Variants in LRP1B observed in about 807,000 individuals in gnomAD.
The protein encoded by LRP1B is low-density lipoprotein receptor-related protein 1B.
In LRP1B, 217 loss-of-function variants were observed where a neutral mutation model predicts 556.6. The observed-to-expected ratio is 0.39, with a 90% CI of 0.35 to 0.44. The LOEUF (loss-of-function observed/expected upper bound fraction) is 0.44, where lower values mean the gene tolerates loss of function less well. Among genes scored for constraint, LRP1B ranks in the 20% least tolerant of loss-of-function variants. LRP1B has a pLI of 1.00. For missense variants in LRP1B, 5,053 were observed against 5,620.8 expected (o/e 0.90, Z 3.23); for synonymous variants, 2,047 against 1,865.8 (o/e 1.10, Z -2.50).
At chr2:140,691,209 C>T (rs1023679640) in intron 41 of LRP1B, among the ~76,000 whole-genome samples, 2 of 152,000 alleles carry the variant, frequency 1.3e-5, no homozygotes, top group African/African-American at 4.8e-5. Context: ...CGGTGGCTCA[C>T]GCCTGTAATA....
rs1166488707 is a variant in LRP1B, at chr2:140,851,654, T to A, written c.4709A>T (p.Tyr1570Phe). ...MKLSSDKKTC[Y>F]EMKKFLLYAR... ...GATTAGAACTGTAAGAAATTTACCA[T>A]AGCAGGTCTTCTTGTCTGAAGAAAG... is the stretch of plus-strand genomic sequence containing the variant. Residue 1570 changes from tyrosine to phenylalanine, a missense_variant and splice_region_variant, in exon 28 of 91, where the codon TAT becomes TTT. Around this residue, in one of 5 missense-constraint regions of LRP1B, gnomAD observed 3,619 missense variants for 3,931.9 expected, o/e 0.92. Coordinates refer to ENST00000389484, the MANE Select transcript of LRP1B (RefSeq NM_018557.3). 1.9e-6 allele frequency: 3 copies of A among 1,607,998 alleles called. No individual in the cohort carries two copies. In the Admixed American group the frequency reaches 5.1e-5, roughly 27 times the overall value.
chr2:141,271,157 G>C (rs1009737363), intron 3 of LRP1B, among the ~76,000 whole-genome samples: 1 of 151,706 alleles, frequency 6.6e-6, no homozygotes, highest in Admixed American at 6.6e-5. Flanking sequence ...TTAACTAACA[G>C]AAGGAAGAAA....
intron 41 of LRP1B, among the ~76,000 whole-genome samples, chr2:140,605,881 G>A (rs1350940160): frequency 5.9e-5 from 9 of 151,930 alleles, no homozygotes; most frequent in South Asian, 2.1e-4. Context: ...ACCAAAACCC[G>A]AGGCTCGTAT....
At chr2:140,377,518 GTGT>G (rs1683288885) in intron 68 of LRP1B, among the ~76,000 whole-genome samples, 1 of 152,118 alleles carries the variant, frequency 6.6e-6, no homozygotes, top group Non-Finnish European at 1.5e-5. Flanking sequence ...ATATAATCAT[GTGT>G]TGTTTATTAT....
intron 3 of LRP1B, among the ~76,000 whole-genome samples, chr2:141,442,842 G>T (rs558247181): frequency 6.6e-6 from 1 of 152,184 alleles, no homozygotes; most frequent in Admixed American, 6.5e-5. Flanking sequence ...ACGGGCATTT[G>T]GGTTTGTTCC....
chr2:140,475,710 G>A (rs1687948096), intron 59 of LRP1B, among the ~76,000 whole-genome samples: 1 of 151,498 alleles, frequency 6.6e-6, no homozygotes, highest in African/African-American at 2.4e-5. Context: ...CTCTTTTGGT[G>A]TGTTATCTAT....
chr2:141,187,185 TGA>T (rs1365301336), intron 7 of LRP1B, among the ~76,000 whole-genome samples: 3 of 152,060 alleles, frequency 2.0e-5, no homozygotes, highest in African/African-American at 7.2e-5. Context: ...GCAGTCAGAT[TGA>T]GTCAAGTAAC....
chr2:140,568,765 A>C (rs1346720381), intron 43 of LRP1B, among the ~76,000 whole-genome samples: 1 of 152,140 alleles, frequency 6.6e-6, no homozygotes, highest in Non-Finnish European at 1.5e-5. Flanking sequence ...GGGTATCCCC[A>C]TTACATTAAC....
chr2:141,573,399 G>A (rs1686606821), intron 2 of LRP1B, among the ~76,000 whole-genome samples: 1 of 152,056 alleles, frequency 6.6e-6, no homozygotes, highest in Non-Finnish European at 1.5e-5. Flanking sequence ...AAACCAATGA[G>A]CATAAAGAGA....
At chr2:141,945,818 C>G (rs1700938329) in intron 1 of LRP1B, among the ~76,000 whole-genome samples, 1 of 152,098 alleles carries the variant, frequency 6.6e-6, no homozygotes, top group South Asian at 2.1e-4. Context: ...GAGCCATACA[C>G]CATATTTTAG....
intron 1 of LRP1B, among the ~76,000 whole-genome samples, chr2:141,862,177 A>G (rs2105788744): frequency 6.6e-6 from 1 of 152,294 alleles, no homozygotes; most frequent in South Asian, 2.1e-4. Flanking sequence ...TTAATATGAG[A>G]ATACAAATTA....
intron 3 of LRP1B, among the ~76,000 whole-genome samples, chr2:141,263,605 A>G (rs1482753317): frequency 6.6e-6 from 1 of 152,198 alleles, no homozygotes; most frequent in Non-Finnish European, 1.5e-5. Flanking sequence ...CTAATTCTGC[A>G]TAAGCCCTTC....
chr2:141,025,642 T>C (rs756141909), intron 11 of LRP1B, among the ~76,000 whole-genome samples: 2 of 152,070 alleles, frequency 1.3e-5, no homozygotes, highest in Non-Finnish European at 2.9e-5. Context: ...TCAGCTCTTT[T>C]TGGGTCTCCA....
At chr2:140,793,556 TATAA>T (rs1474572612) in intron 32 of LRP1B, among the ~76,000 whole-genome samples, 1 of 151,954 alleles carries the variant, frequency 6.6e-6, no homozygotes, top group African/African-American at 2.4e-5. Context: ...TGGGTGTAAA[TATAA>T]ATATATTACT....
chr2:141,075,533 T>C (rs918545090), intron 7 of LRP1B, among the ~76,000 whole-genome samples: 3 of 152,196 alleles, frequency 2.0e-5, no homozygotes, highest in African/African-American at 7.2e-5. Context: ...AGGATACCAG[T>C]ACTGAAAAGC....
At chr2:141,615,363 C>G (rs1260755650) in intron 2 of LRP1B, among the ~76,000 whole-genome samples, 1 of 152,148 alleles carries the variant, frequency 6.6e-6, no homozygotes, top group African/African-American at 2.4e-5. Flanking sequence ...ATGTCCTTCT[C>G]TCTACTAGAA....
chr2:140,259,424 A>G (rs867827369), intron 86 of LRP1B, among the ~76,000 whole-genome samples: 1 of 152,090 alleles, frequency 6.6e-6, no homozygotes, highest in African/African-American at 2.4e-5. Flanking sequence ...AAGAAACATC[A>G]TATAACAGTT....
intron 7 of LRP1B, among the ~76,000 whole-genome samples, chr2:141,181,394 A>G (rs1680985062): frequency 6.6e-6 from 1 of 151,954 alleles, no homozygotes; most frequent in Non-Finnish European, 1.5e-5. Context: ...TACTTTACCT[A>G]TTTGAGTGGA....
At chr2:141,016,091 A>G (rs1697891825) in intron 12 of LRP1B, among the ~76,000 whole-genome samples, 176 bp from the exon 13 acceptor site, 2 of 152,036 alleles carry the variant, frequency 1.3e-5, no homozygotes, top group Admixed American at 1.3e-4. Context: ...GAAAGCAAAG[A>G]TTTGTTTGGT....
Sources: allele counts gnomAD v4.1 joint callset (sites outside exome capture counted in the v4.1 genomes callset), GRCh38; gene constraint gnomAD v4.1.1; regional missense constraint gnomAD v4.1.1; transcripts MANE v1.5; gene names NCBI Gene and HGNC (gene_info 2026-07-23, HGNC 2026-07-21).